LRFN2: variants seen among roughly 807,000 people sequenced by gnomAD.
LRFN2 encodes the protein leucine-rich repeat and fibronectin type-III domain-containing protein 2.
Under a neutral mutation model 37.3 loss-of-function variants are expected in LRFN2, and 18 were observed. The ratio of observed to expected loss-of-function variants is 0.48; its 90% CI spans 0.33 to 0.72. LRFN2 has a LOEUF of 0.72. LRFN2 is among the 30% of genes least tolerant of loss of function. The pLI is 0.02. For missense variants in LRFN2, 1,006 were observed against 1,060.7 expected (o/e 0.95, Z 0.72); for synonymous variants, 556 against 466.6 (o/e 1.19, Z -2.47).
intron 2 of LRFN2, among the ~76,000 whole-genome samples, chr6:40,394,052 C>T (rs1430135800): frequency 1.3e-5 from 2 of 152,136 alleles, no homozygotes; most frequent in African/African-American, 4.8e-5. Flanking sequence ...CCAGGCTCAG[C>T]CAAGAAACCT....
At chr6:40,523,407 C>T in intron 1 of LRFN2, among the ~76,000 whole-genome samples, 1 of 152,066 alleles carries the variant, frequency 6.6e-6, no homozygotes, top group East Asian at 1.9e-4. Context: ...GCCTCAGCCC[C>T]ATTGATCAAA....
intron 1 of LRFN2, among the ~76,000 whole-genome samples, chr6:40,460,740 C>T (rs1197095363): frequency 2.6e-5 from 4 of 152,108 alleles, no homozygotes; most frequent in Non-Finnish European, 5.9e-5. Context: ...CTCCATAGCC[C>T]CTGGGATAGA....
chr6:40,491,020 G>A (rs764376162), intron 1 of LRFN2, among the ~76,000 whole-genome samples: 7 of 152,242 alleles, frequency 4.6e-5, no homozygotes, highest in Non-Finnish European at 1.0e-4. Flanking sequence ...ATAGAGGGGT[G>A]AGGGGGAGGA....
intron 1 of LRFN2, among the ~76,000 whole-genome samples, chr6:40,470,728 G>A (rs1343602977): frequency 6.6e-6 from 1 of 152,206 alleles, no homozygotes; most frequent in African/African-American, 2.4e-5. Context: ...CCCAGGTTCA[G>A]CCCACCTGGC....
At chr6:40,542,005 ATG>A (rs1461770434) in intron 1 of LRFN2, among the ~76,000 whole-genome samples, 1 of 152,246 alleles carries the variant, frequency 6.6e-6, no homozygotes, top group Non-Finnish European at 1.5e-5. Context: ...CCAGCTCAGT[ATG>A]TGTCTCTGTC....
At chr6:40,491,022 G>A (rs1765080263) in intron 1 of LRFN2, among the ~76,000 whole-genome samples, 1 of 152,206 alleles carries the variant, frequency 6.6e-6, no homozygotes, top group Admixed American at 6.5e-5. Flanking sequence ...AGAGGGGTGA[G>A]GGGGAGGAGG....
intron 1 of LRFN2, among the ~76,000 whole-genome samples, chr6:40,527,665 T>A (rs890062491): frequency 2.6e-5 from 4 of 152,310 alleles, no homozygotes; most frequent in South Asian, 2.1e-4. Flanking sequence ...ATGTGAGTGA[T>A]TAAGGAGAAA....
chr6:40,540,630 G>A (rs1270855351), intron 1 of LRFN2, among the ~76,000 whole-genome samples: 1 of 152,212 alleles, frequency 6.6e-6, no homozygotes, highest in African/African-American at 2.4e-5. Context: ...CTCTGCCGCA[G>A]TATCGTTGAG....
intron 2 of LRFN2, among the ~76,000 whole-genome samples, chr6:40,396,162 C>A (rs2113792869): frequency 6.6e-6 from 1 of 152,316 alleles, no homozygotes; most frequent in South Asian, 2.1e-4. Flanking sequence ...GATTAAGACT[C>A]TTTTAATACT....
intron 1 of LRFN2, among the ~76,000 whole-genome samples, chr6:40,474,295 C>T (rs1276321636): frequency 6.6e-6 from 1 of 152,142 alleles, no homozygotes; most frequent in African/African-American, 2.4e-5. Context: ...GAGAAGATTG[C>T]TTCCTTGCCT....
chr6:40,399,426 C>CTT (rs61458320), intron 2 of LRFN2, among the ~76,000 whole-genome samples: 34 of 134,368 alleles, frequency 2.5e-4, no homozygotes, highest in Admixed American at 2.4e-4. Flanking sequence ...TTTTTCTTTT[C>CTT]TTTTTTTTTT....
chr6:40,451,750 C>T (rs2113843093), intron 1 of LRFN2, among the ~76,000 whole-genome samples: 1 of 152,288 alleles, frequency 6.6e-6, no homozygotes. Context: ...TCTGCCACTC[C>T]CTAGTCACAT....
At chr6:40,493,828 C>T (rs1351433948) in intron 1 of LRFN2, among the ~76,000 whole-genome samples, 1 of 152,232 alleles carries the variant, frequency 6.6e-6, no homozygotes, top group Non-Finnish European at 1.5e-5. Context: ...TCTAGAACCC[C>T]AGTCAGGGAC....
Position 40,432,076 on chromosome 6 carries a change from G to T in LRFN2, c.1038C>A (p.Ile346=). The change falls in exon 2 of 3, where the codon ATC becomes ATA. Residue 346 remains isoleucine (I), a synonymous_variant. Coordinates refer to ENST00000338305, the MANE Select transcript of LRFN2 (RefSeq NM_020737.3). The part of the protein sequence containing the change: ...TAVYDNGTLD[I]FITTSQDSGA... The stretch of plus-strand genomic sequence containing the variant: ...CACTGTCCTGAGATGTGGTGATGAA[G>T]ATGTCCAGGGTGCCATTGTCATAGA... 6.2e-7 allele frequency: 1 copy of T among 1,614,112 alleles called. No homozygotes were observed. The highest frequency in any genetic ancestry group is 8.5e-7 in the Non-Finnish European group (1 of 1,180,038).
intron 1 of LRFN2, among the ~76,000 whole-genome samples, chr6:40,456,221 G>A (rs184105679): frequency 1.0e-3 from 159 of 152,290 alleles, no homozygotes; most frequent in African/African-American, 3.6e-3. Flanking sequence ...GAAACTGCAA[G>A]GCAGTAAACC....
chr6:40,514,778 C>G (rs1450520734), intron 1 of LRFN2, among the ~76,000 whole-genome samples: 1 of 152,218 alleles, frequency 6.6e-6, no homozygotes, highest in African/African-American at 2.4e-5. Context: ...TATAACCCTT[C>G]TCATTTCTCT....
At chr6:40,571,262 T>C (rs1767182090) in intron 1 of LRFN2, among the ~76,000 whole-genome samples, 1 of 152,258 alleles carries the variant, frequency 6.6e-6, no homozygotes, top group African/African-American at 2.4e-5. Flanking sequence ...AAACATCTGT[T>C]AACTGCAAGT....
chr6:40,530,623 G>C (rs868387170), intron 1 of LRFN2, among the ~76,000 whole-genome samples: 17 of 151,748 alleles, frequency 1.1e-4, no homozygotes, highest in Admixed American at 3.3e-4. Context: ...CCTGAACCCT[G>C]GTTCTCCCCA....
Position 40,562,835 on chromosome 6 carries a change from TCACA to T in LRFN2, c.-19+24102_-19+24105del, listed in dbSNP as rs773357501. Among the ~76,000 whole-genome samples, 848 of 125,688 alleles carry T rather than the reference TCACA, an allele frequency of 6.7e-3. 7 individuals are homozygous for T. Among genetic ancestry groups the T allele is most frequent in the East Asian group, 0.018 (82 of 4,512 alleles). The allele number at this position is 125,688 out of a possible 152,430, so 82.5% of individuals were successfully genotyped here. ...AGCGTGCTTATGTGCGTGCACTCAC[TCACA>T]CACACACACACACACACACACACAC... On this transcript the variant is annotated intron_variant, in intron 1 of 2. Transcript: ENST00000338305.
Sources: gnomAD v4.1 joint callset for allele counts (sites outside exome capture counted in the v4.1 genomes callset) on GRCh38, gnomAD v4.1.1 for gene constraint, MANE v1.5 for transcripts, NCBI Gene and HGNC (gene_info 2026-07-23, HGNC 2026-07-21) for gene names.